Variants in PDZRN4 observed in about 807,000 individuals in gnomAD.
PDZRN4 encodes PDZ domain-containing RING finger protein 4.
Under a neutral mutation model 99.0 loss-of-function variants are expected in PDZRN4, and 70 were observed. The ratio of observed to expected loss-of-function variants is 0.71; its 90% CI spans 0.58 to 0.86. PDZRN4 has a LOEUF of 0.86. Ranked by LOEUF, PDZRN4 falls within the 40% of genes least tolerant of loss-of-function variation. PDZRN4 has a pLI of 0.00. For missense variants in PDZRN4, 1,474 were observed against 1,331.2 expected, an observed-to-expected ratio of 1.11 and a Z score of -1.67; for synonymous variants, 551 against 501.6, an observed-to-expected ratio of 1.10 and a Z score of -1.32.
At chr12:41,279,748 C>A (rs947105450) in intron 3 of PDZRN4, among the ~76,000 whole-genome samples, 9 of 152,010 alleles carry the variant, frequency 5.9e-5, no homozygotes, top group Non-Finnish European at 8.8e-5. Context: ...AAACAAAGAA[C>A]TAGAGTTGGA....
intron 5 of PDZRN4, among the ~76,000 whole-genome samples, chr12:41,548,539 C>T (rs11180993): frequency 0.33 from 50,768 of 151,998 alleles, 8,620 homozygotes; most frequent in South Asian, 0.42. Context: ...CTGATATAAA[C>T]GGCTAGCGTG....
intron 3 of PDZRN4, among the ~76,000 whole-genome samples, chr12:41,501,891 T>C (rs1051077514): frequency 2.6e-5 from 4 of 152,136 alleles, no homozygotes; most frequent in African/African-American, 9.7e-5. Flanking sequence ...TTTCCTATCA[T>C]CCATTTACTT....
intron 5 of PDZRN4, among the ~76,000 whole-genome samples, chr12:41,520,245 T>G (rs1938470872): frequency 6.6e-6 from 1 of 152,138 alleles, no homozygotes; most frequent in Non-Finnish European, 1.5e-5. Flanking sequence ...TAAAAATGCT[T>G]AGATTCTGGC....
chr12:41,278,150 T>C (rs1951361702), intron 3 of PDZRN4, among the ~76,000 whole-genome samples: 1 of 152,208 alleles, frequency 6.6e-6, no homozygotes, highest in African/African-American at 2.4e-5. Flanking sequence ...CCCTTTTACC[T>C]TTTGTTATAT....
At chr12:41,557,249 T>G (rs1268586567) in intron 7 of PDZRN4, among the ~76,000 whole-genome samples, 2 of 151,796 alleles carry the variant, frequency 1.3e-5, no homozygotes, top group African/African-American at 4.8e-5. Context: ...CAGAGGTGCT[T>G]TGGGATGGAA....
chr12:41,277,452 C>T (rs1040693303), intron 3 of PDZRN4, among the ~76,000 whole-genome samples: 23 of 152,140 alleles, frequency 1.5e-4, no homozygotes, highest in African/African-American at 5.3e-4. Context: ...GGAAAGAGTC[C>T]GCTTTCATTC....
intron 3 of PDZRN4, among the ~76,000 whole-genome samples, chr12:41,400,948 A>T (rs1466374161): frequency 6.6e-6 from 1 of 151,898 alleles, no homozygotes; most frequent in African/African-American, 2.4e-5. Flanking sequence ...TTGGCTTTGG[A>T]TTGTATTGTT....
intron 3 of PDZRN4, among the ~76,000 whole-genome samples, chr12:41,213,780 G>A (rs537505206): frequency 6.6e-6 from 1 of 152,112 alleles, no homozygotes; most frequent in Non-Finnish European, 1.5e-5. Flanking sequence ...GCAAATAGTT[G>A]ATCTAAGAAA....
chr12:41,540,267 A>C (rs1938825024), intron 5 of PDZRN4, among the ~76,000 whole-genome samples: 1 of 152,202 alleles, frequency 6.6e-6, no homozygotes, highest in Non-Finnish European at 1.5e-5. Flanking sequence ...TTTTTTAATA[A>C]TTAATCTTGT....
At chr12:41,280,005 A>G (rs1276372931) in intron 3 of PDZRN4, among the ~76,000 whole-genome samples, 1 of 152,152 alleles carries the variant, frequency 6.6e-6, no homozygotes, top group Non-Finnish European at 1.5e-5. Context: ...CATTTCCAAC[A>G]GAGGTACCCG....
chr12:41,384,723 C>A (rs1394565697), intron 3 of PDZRN4, among the ~76,000 whole-genome samples: 1 of 152,122 alleles, frequency 6.6e-6, no homozygotes, highest in African/African-American at 2.4e-5. Flanking sequence ...CTGCCAAAGT[C>A]ATCATATGTT....
intron 5 of PDZRN4, among the ~76,000 whole-genome samples, chr12:41,527,773 G>A (rs575757032): frequency 6.6e-5 from 10 of 152,280 alleles, no homozygotes; most frequent in Admixed American, 2.6e-4. Flanking sequence ...TAAGTGAGAC[G>A]ACAGTGGGGA....
chr12:41,202,431 T>TCCCC (rs1950823169), intron 3 of PDZRN4, among the ~76,000 whole-genome samples: 1 of 152,070 alleles, frequency 6.6e-6, no homozygotes, highest in East Asian at 1.9e-4. Flanking sequence ...TAAAAATCAT[T>TCCCC]ATTCTTCCCA....
intron 3 of PDZRN4, among the ~76,000 whole-genome samples, chr12:41,298,349 A>C (rs1454691383): frequency 2.0e-5 from 3 of 152,114 alleles, no homozygotes; most frequent in African/African-American, 7.2e-5. Flanking sequence ...CCTGTTTTCC[A>C]GGCTGAGAAT....
chr12:41,203,906 A>G (rs1431109), intron 3 of PDZRN4, among the ~76,000 whole-genome samples: 105,986 of 151,816 alleles, frequency 0.7, 37,231 homozygotes, highest in South Asian at 0.76. Flanking sequence ...GAATGACACA[A>G]GCAAAGCAAT....
chr12:41,272,572 G>C (rs1440433426), intron 3 of PDZRN4, among the ~76,000 whole-genome samples: 1 of 151,906 alleles, frequency 6.6e-6, no homozygotes, highest in Non-Finnish European at 1.5e-5. Context: ...TATACTATCA[G>C]TTATTTCTAA....
intron 3 of PDZRN4, among the ~76,000 whole-genome samples, chr12:41,411,220 T>C: frequency 6.6e-6 from 1 of 152,046 alleles, no homozygotes; most frequent in Non-Finnish European, 1.5e-5. Context: ...TTTTACAACC[T>C]AATGCCTAGA....
At chr12:41,469,955 A>G (rs1028516392) in intron 3 of PDZRN4, among the ~76,000 whole-genome samples, 2 of 152,260 alleles carry the variant, frequency 1.3e-5, no homozygotes, top group East Asian at 3.9e-4. Context: ...AAAATAAAAA[A>G]AATAAAAATA....
At chr12:41,451,063 T>A (rs2120501050) in intron 3 of PDZRN4, among the ~76,000 whole-genome samples, 1 of 152,112 alleles carries the variant, frequency 6.6e-6, no homozygotes, top group East Asian at 1.9e-4. Flanking sequence ...AATGGAAGAC[T>A]GTTATAGTCT....
Sources: gnomAD v4.1 joint callset for allele counts (sites outside exome capture counted in the v4.1 genomes callset) on GRCh38, gnomAD v4.1.1 for gene constraint, MANE v1.5 for transcripts, NCBI Gene and HGNC (gene_info 2026-07-23, HGNC 2026-07-21) for gene names.